Variants in WASF1 observed in about 807,000 individuals in gnomAD.
WASF1 encodes the protein WASP family member 1, also known as actin-binding protein WASF1.
In WASF1, 7 loss-of-function variants were observed where a neutral mutation model predicts 50.5. That is an observed-to-expected ratio of 0.14 (90% CI 0.08 to 0.26). The LOEUF is 0.26. Ranked by LOEUF, WASF1 falls within the 10% of genes least tolerant of loss-of-function variation. The pLI, the probability that WASF1 is intolerant of heterozygous loss-of-function variation, is 1.00. For synonymous variants in WASF1, 205 were observed against 244.0 expected, an observed-to-expected ratio of 0.84 and a Z score of 1.49; for missense variants, 470 against 694.7, an observed-to-expected ratio of 0.68 and a Z score of 3.64.
At chr6:110,119,149 C>G (rs1562167666) in intron 4 of WASF1, among the ~76,000 whole-genome samples, 1 of 152,036 alleles carries the variant, frequency 6.6e-6, no homozygotes. Context: ...GAAGCAAGAG[C>G]AAACATGTTC....
intron 3 of WASF1, among the ~76,000 whole-genome samples, chr6:110,160,006 G>A (rs1776196717): frequency 6.6e-6 from 1 of 151,784 alleles, no homozygotes; most frequent in Non-Finnish European, 1.5e-5. Context: ...CTCCTATTTA[G>A]TATTAAAATA....
chr6:110,129,255 G>C (rs149472361), intron 3 of WASF1, among the ~76,000 whole-genome samples: 91 of 152,168 alleles, frequency 6.0e-4, no homozygotes, highest in South Asian at 1.5e-3. Context: ...TACTAAATAG[G>C]TAGATGAAAG....
At chr6:110,115,296 A>G (rs1773752274) in intron 4 of WASF1, among the ~76,000 whole-genome samples, 1 of 151,940 alleles carries the variant, frequency 6.6e-6, no homozygotes, top group Non-Finnish European at 1.5e-5. Flanking sequence ...CACTAACTCT[A>G]TTGTTTTGTG....
intron 5 of WASF1, among the ~76,000 whole-genome samples, chr6:110,110,341 C>A (rs1227756860): frequency 6.6e-6 from 1 of 152,174 alleles, no homozygotes; most frequent in Non-Finnish European, 1.5e-5. Context: ...TGCCACAATA[C>A]CACACGCTGT....
At chr6:110,113,695 T>G (rs150387259) in intron 4 of WASF1, among the ~76,000 whole-genome samples, 2 of 152,258 alleles carry the variant, frequency 1.3e-5, no homozygotes, top group Admixed American at 6.5e-5. Context: ...TACATGTGGA[T>G]TTTTTTCAAT....
chr6:110,127,760 A>C, intron 3 of WASF1, 131 bp from the exon 4 acceptor site: 1 of 806,576 alleles, frequency 1.2e-6, no homozygotes, highest in East Asian at 3.4e-5. Context: ...GGGTCCACTT[A>C]CTGGTGGATT....
At chr6:110,138,238 A>T (rs1002834498) in intron 3 of WASF1, among the ~76,000 whole-genome samples, 6 of 152,348 alleles carry the variant, frequency 3.9e-5, no homozygotes, top group African/African-American at 1.2e-4. Context: ...AGTGGCTTCC[A>T]CCACAGGAAC....
At chr6:110,128,386 G>A (rs181808765) in intron 3 of WASF1, among the ~76,000 whole-genome samples, 69 of 152,210 alleles carry the variant, frequency 4.5e-4, no homozygotes, top group African/African-American at 1.4e-3. Flanking sequence ...TGCATAAAAG[G>A]ATTAAGGAAG....
chr6:110,106,765 C>T (rs1773342099), intron 7 of WASF1, among the ~76,000 whole-genome samples: 1 of 152,200 alleles, frequency 6.6e-6, no homozygotes, highest in South Asian at 2.1e-4. Context: ...ATCTGTTCTT[C>T]AAGATTCATT....
intron 3 of WASF1, among the ~76,000 whole-genome samples, chr6:110,155,631 C>T (rs1310734726): frequency 1.3e-5 from 1 of 77,116 alleles, no homozygotes; most frequent in African/African-American, 5.4e-5. Flanking sequence ...TATACATGTG[C>T]CATGCTGGTG....
chr6:110,124,146 C>A (rs1774259162), intron 4 of WASF1, among the ~76,000 whole-genome samples: 2 of 148,814 alleles, frequency 1.3e-5, no homozygotes, highest in Non-Finnish European at 3.0e-5. Context: ...GTGAAGCCAC[C>A]AGTAATCTGT....
intron 3 of WASF1, among the ~76,000 whole-genome samples, chr6:110,134,024 C>A (rs531909678): frequency 1.2e-4 from 18 of 152,224 alleles, no homozygotes; most frequent in African/African-American, 4.3e-4. Flanking sequence ...CGCTCTGTTG[C>A]CCAAGGTGGA....
chr6:110,168,098 T>A (rs1179848371), intron 2 of WASF1, among the ~76,000 whole-genome samples: 3 of 152,162 alleles, frequency 2.0e-5, no homozygotes, highest in African/African-American at 7.2e-5. Flanking sequence ...AATATTTAAT[T>A]AGAATAGTAA....
chr6:110,124,312 C>T (rs1281073957), intron 4 of WASF1, among the ~76,000 whole-genome samples: 3 of 79,398 alleles, frequency 3.8e-5, no homozygotes, highest in South Asian at 1.0e-3. Context: ...ATATATATGC[C>T]CTTGTATTCA....
In WASF1 at chr6:110,105,437, G is replaced by C. The variant is rs1773277998; in HGVS notation, c.683C>G (p.Ala228Gly). The C allele has an allele frequency of 6.2e-7, 1 of 1,608,864 alleles. No homozygotes were observed. The highest frequency in any genetic ancestry group is 1.7e-5 in the Admixed American group (1 of 59,354). The change falls in exon 8 of 11, where the codon GCT (alanine) becomes GGT (glycine). Residue 228 changes from alanine to glycine, a missense_variant. Transcript: ENST00000392589. ...ANLLHKHIEV[A>G]NGPASHFETR... ...TTCAAAATGAGAGGCTGGGCCATTA[G>C]CAACTTCAATATGCTTATGTAAGAG...
At chr6:110,160,016 A>G (rs906725323) in intron 3 of WASF1, among the ~76,000 whole-genome samples, 1 of 151,926 alleles carries the variant, frequency 6.6e-6, no homozygotes, top group African/African-American at 2.4e-5. Context: ...GTATTAAAAT[A>G]ACCTTTTACA....
intron 3 of WASF1, among the ~76,000 whole-genome samples, chr6:110,132,113 ATTAT>A (rs1227455121): frequency 2.0e-5 from 3 of 152,226 alleles, no homozygotes; most frequent in Middle Eastern, 6.8e-3. Context: ...CTTATACATC[ATTAT>A]TTATTTGTAT....
chr6:110,148,266 C>A (rs896138528), intron 3 of WASF1, among the ~76,000 whole-genome samples: 12 of 152,064 alleles, frequency 7.9e-5, no homozygotes, highest in African/African-American at 2.9e-4. Flanking sequence ...CAACCATTTA[C>A]TGAACATCAG....
rs867508063 is a variant in WASF1, at chr6:110,101,878, G to A, written c.1232C>T (p.Pro411Leu). 1 of 1,613,832 alleles carries A rather than the reference G, an allele frequency of 6.2e-7. No homozygotes were observed. Among genetic ancestry groups the A allele is most frequent in the Non-Finnish European group, 8.5e-7 (1 of 1,179,892 alleles). Residue 411 changes from proline to leucine, a missense_variant, in exon 10 of 11, where the codon CCA becomes CTA. This residue lies in a region of WASF1 where 294 missense variants were observed against 343.5 expected (regional missense o/e 0.86). Coordinates refer to ENST00000392589, the MANE Select transcript of WASF1 (RefSeq NM_003931.3). Reference protein sequence around the residue: ...ARAAPVCETVPVHPLPQGEVQ... With the variant: ...ARAAPVCETVLVHPLPQGEVQ... The stretch of plus-strand genomic sequence containing the variant: ...TTCACCTTGTGGGAGTGGATGAACT[G>A]GTACAGTCTCACATACTGGGGCAGC...
Sources: gnomAD v4.1 joint callset for allele counts (sites outside exome capture counted in the v4.1 genomes callset) on GRCh38, gnomAD v4.1.1 for gene constraint, gnomAD v4.1.1 regional missense constraint, MANE v1.5 for transcripts, NCBI Gene and HGNC (gene_info 2026-07-23, HGNC 2026-07-21) for gene names.